The following DNAI4 variants were observed in gnomAD, a reference collection of about 807,000 sequenced individuals.
DNAI4 encodes the protein WD repeat domain 78.
DNAI4 carries 85 observed loss-of-function variants against 105.8 expected under a neutral mutation model. That is an observed-to-expected ratio of 0.80 (90% CI 0.67 to 0.96). The LOEUF (loss-of-function observed/expected upper bound fraction) is 0.96, where lower values mean the gene tolerates loss of function less well. Ranked by LOEUF, DNAI4 falls within the 40% of genes least tolerant of loss-of-function variation. The pLI, the probability that DNAI4 is intolerant of heterozygous loss-of-function variation, is 0.00. For synonymous variants in DNAI4, 352 were observed against 331.5 expected, an observed-to-expected ratio of 1.06 and a Z score of -0.67; for missense variants, 1,014 against 1,005.6, an observed-to-expected ratio of 1.01 and a Z score of -0.11.
intron 7 of DNAI4, among the ~76,000 whole-genome samples, chr1:66,852,450 T>C (rs1205704550): frequency 6.6e-6 from 1 of 151,872 alleles, no homozygotes; most frequent in Non-Finnish European, 1.5e-5. Context: ...CTCATCAACA[T>C]CAACATAAAA....
chr1:66,836,206 AAG>A (rs1219534466), intron 10 of DNAI4, among the ~76,000 whole-genome samples: 2 of 17,000 alleles, frequency 1.2e-4, no homozygotes, highest in African/African-American at 3.4e-4. Flanking sequence ...GAAAGAAAGA[AAG>A]AGAGAGAGAG....
intron 1 of DNAI4, among the ~76,000 whole-genome samples, chr1:66,908,805 C>T (rs1412623953): frequency 6.6e-6 from 1 of 152,172 alleles, no homozygotes; most frequent in Admixed American, 6.5e-5. Flanking sequence ...TTTTTTACTA[C>T]ACTCTTTAAG....
intron 14 of DNAI4, 118 bp downstream of exon 14, chr1:66,827,694 G>C (rs1344399925): frequency 2.1e-6 from 1 of 487,046 alleles, no homozygotes; most frequent in Non-Finnish European, 3.6e-6. Flanking sequence ...CTTAATTCAA[G>C]ATGGTATTTT....
intron 14 of DNAI4, among the ~76,000 whole-genome samples, chr1:66,827,270 T>C (rs1645774938): frequency 6.6e-6 from 1 of 151,848 alleles, no homozygotes; most frequent in Non-Finnish European, 1.5e-5. Flanking sequence ...ATTTAACACA[T>C]ATTATGCATA....
chr1:66,888,234 G>A (rs879571695), intron 4 of DNAI4, among the ~76,000 whole-genome samples: 18 of 151,992 alleles, frequency 1.2e-4, no homozygotes, highest in Admixed American at 2.0e-4. Flanking sequence ...CAATTCAATT[G>A]ACCTGAATTG....
intron 7 of DNAI4, among the ~76,000 whole-genome samples, chr1:66,848,502 G>A (rs986323757): frequency 6.6e-6 from 1 of 152,122 alleles, no homozygotes; most frequent in South Asian, 2.1e-4. Context: ...CTATTGTTCT[G>A]CCTACTGCAC....
intron 13 of DNAI4, among the ~76,000 whole-genome samples, chr1:66,831,578 C>A (rs1645867470): frequency 6.6e-6 from 1 of 152,068 alleles, no homozygotes; most frequent in Non-Finnish European, 1.5e-5. Flanking sequence ...ACATCCATTC[C>A]AAATAAGAAC....
chr1:66,893,262 G>A lies in DNAI4; in HGVS notation c.497C>T (p.Thr166Ile). Residue 166 changes from threonine to isoleucine, a missense_variant, in exon 3 of 17, where the codon ACA becomes ATA. By Grantham distance (89) the Thr-to-Ile change is moderately conservative. Coordinates refer to ENST00000371026, the MANE Select transcript of DNAI4 (RefSeq NM_024763.5). ...CTGCCCTAACGTACTAGGATTTATT[G>A]TATTCTGATAAAGGCTATAGGAAGA... ...FISSYSLYQN[T>I]INPSTLGQFT... is the part of the protein sequence containing the mutation. 1 of 1,602,180 alleles carries A rather than the reference G, an allele frequency of 6.2e-7. No homozygotes were observed.
At chr1:66,893,552 G>T in intron 2 of DNAI4, 139 bp from the exon 3 acceptor site, 1 of 503,006 alleles carries the variant, frequency 2.0e-6, no homozygotes, top group Non-Finnish European at 3.2e-6. Flanking sequence ...TGAAAAATTG[G>T]ATGCTTTAAA....
intron 2 of DNAI4, among the ~76,000 whole-genome samples, chr1:66,895,675 T>C (rs929093999): frequency 5.9e-5 from 9 of 152,196 alleles, no homozygotes; most frequent in African/African-American, 2.2e-4. Flanking sequence ...TGATCACTAC[T>C]GTAGGATTTT....
intron 4 of DNAI4, among the ~76,000 whole-genome samples, chr1:66,878,489 C>A (rs1647003641): frequency 1.3e-5 from 2 of 152,124 alleles, no homozygotes. Context: ...AAACCAAAAT[C>A]TGAGCACTGA....
intron 2 of DNAI4, chr1:66,904,872 A>G (rs1383906503): frequency 7.1e-6 from 2 of 282,010 alleles, no homozygotes; most frequent in African/African-American, 4.3e-5. Flanking sequence ...CTTTATGACA[A>G]ATAATTTTAT....
chr1:66,840,508 G>C lies in DNAI4; in HGVS notation c.1455C>G (p.Gly485=), dbSNP rs747558644. Residue 485 remains glycine, a synonymous_variant, in exon 9 of 17, where the codon GGC becomes GGG. Coordinates refer to ENST00000371026, the MANE Select transcript of DNAI4 (RefSeq NM_024763.5). The part of the protein sequence containing the change: ...LWSFSCDLTK[G]LNVSSLAWNK... ...TCCAGGCAAGGCTGCTCACATTGAG[G>C]CCTTTGGTTAAGTCACAGGAAAAAG... The C allele has an allele frequency of 9.9e-6, 16 of 1,614,036 alleles. No individual in the cohort carries two copies. The Admixed American group carries it at 2.7e-4, about 27-fold the overall frequency.
intron 3 of DNAI4, among the ~76,000 whole-genome samples, chr1:66,891,826 A>G (rs192834493): frequency 3.3e-5 from 5 of 152,302 alleles, no homozygotes; most frequent in African/African-American, 7.2e-5. Context: ...AATTACCAAT[A>G]CATTTAGTAC....
intron 7 of DNAI4, among the ~76,000 whole-genome samples, chr1:66,861,829 T>C (rs908966912): frequency 3.3e-5 from 5 of 152,262 alleles, no homozygotes; most frequent in East Asian, 1.9e-4. Context: ...GTATACATCC[T>C]TTTTCTCATA....
intron 8 of DNAI4, 101 bp from the exon 9 acceptor site, chr1:66,840,772 C>A: frequency 8.2e-7 from 1 of 1,217,208 alleles, no homozygotes. Context: ...ACTTCAAGCA[C>A]CATCAGATCT....
chr1:66,921,569 CA>C (rs1216437886), intron 1 of DNAI4, among the ~76,000 whole-genome samples: 1 of 152,144 alleles, frequency 6.6e-6, no homozygotes, highest in African/African-American at 2.4e-5. Context: ...ATGAAATTGT[CA>C]ACATTTAAGA....
intron 16 of DNAI4, among the ~76,000 whole-genome samples, chr1:66,820,477 T>C (rs1334754044): frequency 6.6e-6 from 1 of 152,060 alleles, no homozygotes; most frequent in Non-Finnish European, 1.5e-5. Context: ...AAAAACACTG[T>C]TTTCATAGAG....
At chr1:66,842,675 G>A (rs1240780235) in intron 8 of DNAI4, among the ~76,000 whole-genome samples, 5 of 152,098 alleles carry the variant, frequency 3.3e-5, no homozygotes, top group African/African-American at 1.2e-4. Flanking sequence ...GGGATTACAG[G>A]TGTGAGCTAC....
Sources: allele counts gnomAD v4.1 joint callset (sites outside exome capture counted in the v4.1 genomes callset), GRCh38; gene constraint gnomAD v4.1.1; transcripts MANE v1.5; gene names NCBI Gene and HGNC (gene_info 2026-07-23, HGNC 2026-07-21).